The following ADAM29 variants were observed in gnomAD, a reference collection of about 807,000 sequenced individuals.
ADAM29 encodes ADAM metallopeptidase domain 29.
For synonymous variants in ADAM29, 367 were observed against 342.3 expected (o/e 1.07, Z -0.80); for missense variants, 969 against 1,001.8 (o/e 0.97, Z 0.44).
chr4:174,949,122 C>A (rs575605994), intron 4 of ADAM29, among the ~76,000 whole-genome samples: 2 of 152,036 alleles, frequency 1.3e-5, no homozygotes, highest in Non-Finnish European at 2.9e-5. Context: ...GTTGGGTAAC[C>A]GAGGCTGCAC....
At chr4:174,970,797 T>G (rs551834250) in intron 4 of ADAM29, among the ~76,000 whole-genome samples, 1 of 152,306 alleles carries the variant, frequency 6.6e-6, no homozygotes, top group South Asian at 2.1e-4. Flanking sequence ...TATCTTACGA[T>G]CCATTTTATT....
intron 4 of ADAM29, among the ~76,000 whole-genome samples, chr4:174,971,194 A>C (rs1468927766): frequency 6.6e-6 from 1 of 152,178 alleles, no homozygotes; most frequent in African/African-American, 2.4e-5. Flanking sequence ...GCATACCTTA[A>C]ATATGTACAA....
chr4:174,942,156 A>G (rs532582356), intron 4 of ADAM29, among the ~76,000 whole-genome samples: 1 of 152,246 alleles, frequency 6.6e-6, no homozygotes, highest in East Asian at 1.9e-4. Flanking sequence ...AGTCCCCATG[A>G]CGGCTTTCAT....
At chr4:174,955,510 C>T (rs1208805259) in intron 4 of ADAM29, among the ~76,000 whole-genome samples, 1 of 151,924 alleles carries the variant, frequency 6.6e-6, no homozygotes, top group Non-Finnish European at 1.5e-5. Context: ...AATTGTTCTG[C>T]TTTATCGAGA....
At chr4:174,958,066 G>T (rs1345275257) in intron 4 of ADAM29, among the ~76,000 whole-genome samples, 1 of 151,728 alleles carries the variant, frequency 6.6e-6, no homozygotes, top group Admixed American at 6.6e-5. Flanking sequence ...AATTTGTTAA[G>T]CTAGATCCAG....
intron 4 of ADAM29, among the ~76,000 whole-genome samples, chr4:174,973,205 C>T (rs1203432081): frequency 6.6e-6 from 1 of 152,188 alleles, no homozygotes; most frequent in Non-Finnish European, 1.5e-5. Context: ...TTGTGGTAGA[C>T]CAGTCAGAGC....
chr4:174,943,368 T>C (rs1744656011), intron 4 of ADAM29, among the ~76,000 whole-genome samples: 1 of 152,218 alleles, frequency 6.6e-6, no homozygotes, highest in South Asian at 2.1e-4. Flanking sequence ...TTCACACTGC[T>C]ATAAAGAACT....
chr4:174,965,975 AAGG>A, intron 4 of ADAM29, among the ~76,000 whole-genome samples: 1 of 152,336 alleles, frequency 6.6e-6, no homozygotes, highest in East Asian at 1.9e-4. Flanking sequence ...CTTGATATCC[AAGG>A]AGGATTGGTC....
chr4:174,961,042 A>G (rs1041543118), intron 4 of ADAM29, among the ~76,000 whole-genome samples: 9 of 152,160 alleles, frequency 5.9e-5, no homozygotes, highest in African/African-American at 2.2e-4. Flanking sequence ...CCTCCCTTAC[A>G]AAAACCAACC....
intron 3 of ADAM29, among the ~76,000 whole-genome samples, chr4:174,931,851 C>CA (rs1743899734): frequency 6.6e-6 from 1 of 152,174 alleles, no homozygotes; most frequent in South Asian, 2.1e-4. Flanking sequence ...CACATACACA[C>CA]AGTGAGAGGG....
At chr4:174,958,350 C>A (rs965848627) in intron 4 of ADAM29, among the ~76,000 whole-genome samples, 1 of 151,800 alleles carries the variant, frequency 6.6e-6, no homozygotes, top group Non-Finnish European at 1.5e-5. Flanking sequence ...AGGTACATAC[C>A]AGTTAAGGTT....
intron 1 of ADAM29, among the ~76,000 whole-genome samples, chr4:174,920,023 T>C (rs1743079943): frequency 6.6e-6 from 1 of 152,204 alleles, no homozygotes; most frequent in Non-Finnish European, 1.5e-5. Context: ...AATTTATGCA[T>C]ATATAGGCAT....
At chr4:174,923,525 GTATA>G (rs58980378) in intron 2 of ADAM29, among the ~76,000 whole-genome samples, 994 of 96,648 alleles carry the variant, frequency 0.01, 5 homozygotes, top group Non-Finnish European at 0.012. Flanking sequence ...TGCATTATAT[GTATA>G]TATATATATA....
intron 4 of ADAM29, among the ~76,000 whole-genome samples, chr4:174,951,146 G>C (rs1371769117): frequency 6.6e-6 from 1 of 152,090 alleles, no homozygotes. Flanking sequence ...ATGCTTTATA[G>C]ATTTCTTTAG....
chr4:174,921,633 TCA>T (rs1004590742), intron 2 of ADAM29, among the ~76,000 whole-genome samples: 57 of 152,316 alleles, frequency 3.7e-4, no homozygotes, highest in African/African-American at 1.3e-3. Flanking sequence ...CAATGTCAAC[TCA>T]CATATATTTT....
chr4:174,962,278 G>T (rs189737088), intron 4 of ADAM29, among the ~76,000 whole-genome samples: 1 of 152,058 alleles, frequency 6.6e-6, no homozygotes, highest in African/African-American at 2.4e-5. Context: ...TTGGGAGGCC[G>T]GGGCGGGCAG....
In ADAM29 at chr4:174,977,877, C is replaced by A. The variant is rs114466054; in HGVS notation, c.2352C>A (p.Ser784=). The change falls in exon 5 of 5, where the codon TCC becomes TCA. Residue 784 remains serine, a synonymous_variant. Transcript: ENST00000359240. ...AGAGTCAACCTCCTGTGATGCCTTC[C>A]CAGAGTCATCCTCAGTTGACGCCTT... is the stretch of plus-strand genomic sequence containing the variant. ...PSQSQPPVMP[S]QSHPQLTPSQ... 578 of 1,587,404 alleles carry A rather than the reference C, an allele frequency of 3.6e-4. 4 individuals carry two copies. The African/African-American group carries it at 6.7e-3, about 18-fold the overall frequency.
At chr4:174,940,382 G>A (rs1400568801) in intron 4 of ADAM29, among the ~76,000 whole-genome samples, 1 of 152,082 alleles carries the variant, frequency 6.6e-6, no homozygotes, top group African/African-American at 2.4e-5. Context: ...CATGATGACA[G>A]GCATATGATA....
At chr4:174,942,366 C>G (rs1280928159) in intron 4 of ADAM29, among the ~76,000 whole-genome samples, 1 of 152,218 alleles carries the variant, frequency 6.6e-6, no homozygotes, top group Non-Finnish European at 1.5e-5. Context: ...GCAGGCTTCA[C>G]TCCTGCAGCA....
Sources: gnomAD v4.1 joint callset for allele counts (sites outside exome capture counted in the v4.1 genomes callset) on GRCh38, gnomAD v4.1.1 for gene constraint, MANE v1.5 for transcripts, NCBI Gene and HGNC (gene_info 2026-07-23, HGNC 2026-07-21) for gene names.